Variants in ACSL3 observed in about 807,000 individuals in gnomAD.
ACSL3 encodes the protein acyl-CoA synthetase long chain family member 3.
A neutral mutation model predicts 84.7 loss-of-function variants in ACSL3; 34 were observed. The ratio of observed to expected loss-of-function variants is 0.40; its 90% confidence interval spans 0.31 to 0.53. The LOEUF (loss-of-function observed/expected upper bound fraction) is 0.53, where lower values mean the gene tolerates loss of function less well. Among genes scored for constraint, ACSL3 ranks in the 20% least tolerant of loss-of-function variants. The probability of loss-of-function intolerance (pLI) is 0.48; values close to 1 mark genes in which losing one functional copy is unlikely to be tolerated. For missense variants in ACSL3, 680 were observed against 873.1 expected, an observed-to-expected ratio of 0.78 and a Z score of 2.79; for synonymous variants, 315 against 299.4, an observed-to-expected ratio of 1.05 and a Z score of -0.54.
At chr2:222,874,361 G>A (rs530781348) in intron 1 of ACSL3, among the ~76,000 whole-genome samples, 15 of 152,214 alleles carry the variant, frequency 9.9e-5, no homozygotes, top group African/African-American at 3.6e-4. Flanking sequence ...CCAGAAGAGA[G>A]ATGTTGTTTC....
intron 1 of ACSL3, among the ~76,000 whole-genome samples, chr2:222,861,972 G>T (rs937154272): frequency 1.4e-4 from 21 of 152,142 alleles, no homozygotes; most frequent in African/African-American, 5.1e-4. Context: ...CCGAGGCACA[G>T]GTTTTCAAAT....
At chr2:222,867,168 A>T (rs1037264624) in intron 1 of ACSL3, among the ~76,000 whole-genome samples, 2 of 152,122 alleles carry the variant, frequency 1.3e-5, no homozygotes, top group African/African-American at 4.8e-5. Flanking sequence ...ATAATTCCTC[A>T]GGATGCTTTC....
At chr2:222,888,327 C>G (rs1695769316) in intron 2 of ACSL3, among the ~76,000 whole-genome samples, 1 of 152,086 alleles carries the variant, frequency 6.6e-6, no homozygotes, top group Non-Finnish European at 1.5e-5. Flanking sequence ...TGTCATGGGG[C>G]ATAAGAAATA....
Position 222,917,182 on chromosome 2 carries a change from C to T in ACSL3, c.556+686C>T, listed in dbSNP as rs554508539. Among the ~76,000 whole-genome samples the T allele has an allele frequency of 6.3e-4, 96 of 152,204 alleles. 2 individuals are homozygous for T. The highest frequency in any genetic ancestry group is 2.9e-3 in the East Asian group (15 of 5,174). On this transcript the variant is annotated intron_variant, in intron 5 of 16. Coordinates refer to ENST00000357430, the MANE Select transcript of ACSL3 (RefSeq NM_004457.5). ...TCAGGTTACTGCAGCCTCTGCCTCC[C>T]GGGTTCAAGCAATTCTCCTGCCTTA...
At chr2:222,874,419 A>G (rs982568714) in intron 1 of ACSL3, among the ~76,000 whole-genome samples, 2 of 152,236 alleles carry the variant, frequency 1.3e-5, no homozygotes, top group African/African-American at 4.8e-5. Context: ...GGCTGGGCAC[A>G]GTGGCTAACG....
At chr2:222,875,315 TGG>T (rs1695417460) in intron 1 of ACSL3, among the ~76,000 whole-genome samples, 1 of 152,126 alleles carries the variant, frequency 6.6e-6, no homozygotes. Context: ...ACGGAAGGAA[TGG>T]GATTTTTGTT....
In ACSL3 at chr2:222,885,019, C is replaced by G. The variant is rs188114054; in HGVS notation, c.-206-2811C>G. Among the ~76,000 whole-genome samples the G allele has an allele frequency of 9.8e-5, 15 of 152,306 alleles. No homozygotes were observed. In the East Asian group the frequency reaches 2.5e-3, roughly 25 times the overall value. On this transcript the variant is annotated intron_variant, in intron 1 of 16. Transcript: ENST00000357430. ...CGTTAAAGTGATTTGTCAGGCTCTA[C>G]CACTGACTAGGAATTTTCTTTTTTT...
At chr2:222,926,930 C>G in intron 11 of ACSL3, 87 bp from the exon 12 acceptor site, 1 of 1,393,596 alleles carries the variant, frequency 7.2e-7, no homozygotes, top group Non-Finnish European at 9.7e-7. Context: ...CAAAATCTCT[C>G]ATATCAAAAC....
At chr2:222,934,473 T>G in intron 15 of ACSL3, 57 bp from the exon 16 acceptor site, 2 of 1,357,174 alleles carry the variant, frequency 1.5e-6, no homozygotes, top group Non-Finnish European at 1.9e-6. Flanking sequence ...TAATAATAAC[T>G]GCAGTCAACA....
chr2:222,912,939 A>T (rs1696483629), intron 4 of ACSL3, among the ~76,000 whole-genome samples: 1 of 152,244 alleles, frequency 6.6e-6, no homozygotes, highest in African/African-American at 2.4e-5. Flanking sequence ...TCCCAGCAGT[A>T]AATGCATTGC....
chr2:222,933,494 G>A (rs149151098), intron 15 of ACSL3: 171 of 451,374 alleles, frequency 3.8e-4, no homozygotes, highest in South Asian at 2.7e-3. Flanking sequence ...TCTGCTTTAC[G>A]TCTCACTGCA....
chr2:222,925,017 C>T (rs971808145), intron 11 of ACSL3, among the ~76,000 whole-genome samples: 5 of 118,368 alleles, frequency 4.2e-5, no homozygotes, highest in Non-Finnish European at 6.8e-5. Flanking sequence ...GGCGACAGAG[C>T]GAGAATCCGT....
intron 1 of ACSL3, among the ~76,000 whole-genome samples, chr2:222,866,748 C>CCCCCCCCCCCCCCA: frequency 1.9e-5 from 1 of 52,422 alleles, no homozygotes; most frequent in Non-Finnish European, 4.1e-5. Context: ...TGCCCTGCCC[C>CCCCCCCCCCCCCCA]CCCCGCCCCC....
At chr2:222,875,450 T>C (rs1020645388) in intron 1 of ACSL3, among the ~76,000 whole-genome samples, 2 of 152,236 alleles carry the variant, frequency 1.3e-5, no homozygotes, top group Non-Finnish European at 2.9e-5. Context: ...TGATTTTTAT[T>C]CAATGAAATA....
intron 14 of ACSL3, 138 bp from the exon 15 acceptor site, chr2:222,933,028 A>G (rs1697070622): frequency 1.8e-6 from 1 of 551,010 alleles, no homozygotes; most frequent in East Asian, 3.0e-5. Flanking sequence ...CAGCATAACC[A>G]TTAATGCTTA....
chr2:222,891,137 T>C (rs1695835833), intron 2 of ACSL3, among the ~76,000 whole-genome samples: 1 of 152,232 alleles, frequency 6.6e-6, no homozygotes, highest in Non-Finnish European at 1.5e-5. Context: ...AATCCAATAG[T>C]TCATGTTCTC....
intron 1 of ACSL3, among the ~76,000 whole-genome samples, chr2:222,886,242 A>G (rs1342455940): frequency 6.6e-6 from 1 of 151,808 alleles, no homozygotes; most frequent in Non-Finnish European, 1.5e-5. Context: ...CCACCCACCT[A>G]CAGGCCCAAG....
chr2:222,872,154 C>G (rs545452596), intron 1 of ACSL3, among the ~76,000 whole-genome samples: 1 of 152,126 alleles, frequency 6.6e-6, no homozygotes, highest in South Asian at 2.1e-4. Context: ...GACGGAGTTT[C>G]GCTCTTGTTG....
intron 3 of ACSL3, among the ~76,000 whole-genome samples, chr2:222,902,387 C>T (rs1485498369): frequency 6.6e-6 from 1 of 152,118 alleles, no homozygotes. Context: ...TGGCAGATCC[C>T]TGTAGCCATA....
Sources: allele counts gnomAD v4.1 joint callset (sites outside exome capture counted in the v4.1 genomes callset), GRCh38; gene constraint gnomAD v4.1.1; transcripts MANE v1.5; gene names NCBI Gene and HGNC (gene_info 2026-07-23, HGNC 2026-07-21).